The following NRXN1 variants were observed in gnomAD, a reference collection of about 807,000 sequenced individuals.
NRXN1 encodes neurexin 1, also known as neurexin-1.
Under a neutral mutation model 150.9 loss-of-function variants are expected in NRXN1, and 39 were observed. That is an observed-to-expected ratio of 0.26 (90% CI 0.20 to 0.34). The LOEUF (loss-of-function observed/expected upper bound fraction) is 0.34. NRXN1 is among the 10% of genes least tolerant of loss of function. The probability of loss-of-function intolerance (pLI) is 1.00; values close to 1 mark genes in which losing one functional copy is unlikely to be tolerated. For synonymous variants in NRXN1, 924 were observed against 757.0 expected (o/e 1.22, Z -3.62); for missense variants, 1,815 against 1,949.9 (o/e 0.93, Z 1.30).
chr2:50,535,788 T>G (rs1177138684), intron 10 of NRXN1, among the ~76,000 whole-genome samples: 1 of 152,206 alleles, frequency 6.6e-6, no homozygotes, highest in Non-Finnish European at 1.5e-5. Flanking sequence ...TCCTTAGGCA[T>G]GATAAACATC....
At chr2:50,446,442 T>C (rs2086409884) in intron 17 of NRXN1, among the ~76,000 whole-genome samples, 1 of 133,156 alleles carries the variant, frequency 7.5e-6, no homozygotes, top group Non-Finnish European at 1.6e-5. Context: ...CCTCCTTCCT[T>C]CCTTCCATCC....
intron 2 of NRXN1, among the ~76,000 whole-genome samples, chr2:50,983,072 C>T (rs1326791758): frequency 1.3e-5 from 2 of 152,018 alleles, no homozygotes; most frequent in Admixed American, 1.3e-4. Flanking sequence ...CTTTACCAAT[C>T]AAAAGTTACT....
chr2:50,650,451 G>T (rs934959768), intron 5 of NRXN1, among the ~76,000 whole-genome samples: 2 of 151,914 alleles, frequency 1.3e-5, no homozygotes, highest in African/African-American at 4.8e-5. Context: ...TTTAAACATC[G>T]AATAAAAATG....
intron 5 of NRXN1, chr2:50,918,254 T>C (rs1029143460): frequency 1.2e-5 from 2 of 168,328 alleles, no homozygotes; most frequent in African/African-American, 2.4e-5. Flanking sequence ...TAAATGTCCA[T>C]TTGACTCTTT....
intron 21 of NRXN1, among the ~76,000 whole-genome samples, chr2:49,956,748 T>G (rs1044971562): frequency 6.6e-6 from 1 of 152,144 alleles, no homozygotes; most frequent in African/African-American, 2.4e-5. Flanking sequence ...GAGTAGAAAT[T>G]TGTGATAAAG....
chr2:50,320,299 T>C lies in NRXN1; in HGVS notation c.3365-83329A>G, dbSNP rs1421902042. Reference sequence around the variant, plus strand: ...TACCTCAATCATATATATATATATATATATATATATATATATATATATATA... The same window carrying C: ...TACCTCAATCATATATATATATATACATATATATATATATATATATATATA... On this transcript the variant is annotated intron_variant, in intron 17 of 22. Coordinates refer to ENST00000401669, the MANE Select transcript of NRXN1 (RefSeq NM_001330078.2). 5.1e-3 allele frequency among the ~76,000 whole-genome samples: 595 copies of C among 115,920 alleles called. 10 individuals carry two copies. Among genetic ancestry groups the C allele is most frequent in the Non-Finnish European group, 6.7e-3 (372 of 55,666 alleles). 76.0% of individuals were successfully genotyped at this position (115,920 alleles called of 152,430 possible).
chr2:50,180,467 T>A (rs991504337), intron 18 of NRXN1, among the ~76,000 whole-genome samples: 3 of 152,162 alleles, frequency 2.0e-5, no homozygotes, highest in African/African-American at 7.2e-5. Context: ...GGATACTTAA[T>A]CCCCAGTGTA....
At chr2:51,001,148 G>A (rs1395140755) in intron 2 of NRXN1, among the ~76,000 whole-genome samples, 5 of 142,844 alleles carry the variant, frequency 3.5e-5, no homozygotes, top group Non-Finnish European at 7.5e-5. Flanking sequence ...GGAATGCTTT[G>A]TGTAGTAAAC....
At chr2:50,155,925 T>C (rs1033496786) in intron 18 of NRXN1, among the ~76,000 whole-genome samples, 123 of 151,786 alleles carry the variant, frequency 8.1e-4, no homozygotes, top group African/African-American at 2.9e-3. Flanking sequence ...TAGAATGTTC[T>C]TAAAAAAGTA....
At chr2:50,922,271 A>AT (rs1203535581) in intron 4 of NRXN1, among the ~76,000 whole-genome samples, 1 of 151,812 alleles carries the variant, frequency 6.6e-6, no homozygotes, top group Non-Finnish European at 1.5e-5. Flanking sequence ...AAATGGACTT[A>AT]TTTTTTGGAT....
intron 21 of NRXN1, chr2:49,945,130 G>T (rs1672666394): frequency 6.6e-6 from 1 of 152,162 alleles, no homozygotes; most frequent in African/African-American, 2.4e-5. Flanking sequence ...TAGCATTGGA[G>T]ATGGTTTCAT....
At chr2:50,387,982 A>G (rs2081432836) in intron 17 of NRXN1, among the ~76,000 whole-genome samples, 1 of 152,184 alleles carries the variant, frequency 6.6e-6, no homozygotes, top group Admixed American at 6.5e-5. Context: ...ATTAATCACA[A>G]TTAAATTTCT....
At chr2:50,597,968 AT>A (rs1675512968) in intron 8 of NRXN1, among the ~76,000 whole-genome samples, 1 of 151,976 alleles carries the variant, frequency 6.6e-6, no homozygotes, top group Non-Finnish European at 1.5e-5. Context: ...GTGAAACGTC[AT>A]CTTTACCAAA....
chr2:50,787,049 G>T (rs1309042547), intron 5 of NRXN1, among the ~76,000 whole-genome samples: 1 of 152,074 alleles, frequency 6.6e-6, no homozygotes, highest in African/African-American at 2.4e-5. Flanking sequence ...TAACACTGTT[G>T]GGAAAACATC....
chr2:50,293,686 C>T (rs508457), intron 17 of NRXN1, among the ~76,000 whole-genome samples: 131,527 of 152,140 alleles, frequency 0.86, 57,074 homozygotes, highest in African/African-American at 0.93. Flanking sequence ...TAGAAATACA[C>T]ACTGCTATTA....
rs539639154 is a variant in NRXN1, at chr2:50,114,124, C to A, written c.3547-22630G>T. The stretch of plus-strand genomic sequence containing the variant: ...GATATATCTGATAAAGGGCTGTGAT[C>A]CAGAATAGTTGTGAGATCCACACAA... On this transcript the variant is annotated intron_variant, in intron 18 of 22. Transcript: ENST00000401669. 3.5e-5 allele frequency among the ~76,000 whole-genome samples: 5 copies of A among 143,726 alleles called. 1 individual carries two copies. Among genetic ancestry groups the A allele is most frequent in the African/African-American group, 1.3e-4 (5 of 38,672 alleles). 94.3% of individuals were successfully genotyped at this position (143,726 alleles called of 152,430 possible).
At chr2:50,588,203 A>G (rs1041713190) in intron 8 of NRXN1, among the ~76,000 whole-genome samples, 1 of 152,210 alleles carries the variant, frequency 6.6e-6, no homozygotes, top group South Asian at 2.1e-4. Context: ...ATATGTTTTT[A>G]AAAAACCAAA....
intron 18 of NRXN1, among the ~76,000 whole-genome samples, chr2:50,138,593 G>A (rs2152756432): frequency 6.6e-6 from 1 of 152,290 alleles, no homozygotes; most frequent in African/African-American, 2.4e-5. Context: ...TGCCCCGTTA[G>A]CTATCCAAAG....
intron 17 of NRXN1, among the ~76,000 whole-genome samples, chr2:50,274,177 C>G (rs747961492): frequency 1.3e-5 from 2 of 151,890 alleles, no homozygotes; most frequent in African/African-American, 4.8e-5. Flanking sequence ...ACATATACAC[C>G]ATGGAATACT....
Sources: allele counts gnomAD v4.1 joint callset (sites outside exome capture counted in the v4.1 genomes callset), GRCh38; gene constraint gnomAD v4.1.1; transcripts MANE v1.5; gene names NCBI Gene and HGNC (gene_info 2026-07-23, HGNC 2026-07-21).